The following SNED1 variants were observed in gnomAD, a reference collection of about 807,000 sequenced individuals.
SNED1 encodes sushi, nidogen and EGF like domains 1, also known as sushi, nidogen and EGF-like domain-containing protein 1.
A neutral mutation model predicts 166.7 loss-of-function variants in SNED1; 81 were observed. The observed-to-expected ratio is 0.49, with a 90% CI of 0.41 to 0.58. The LOEUF (loss-of-function observed/expected upper bound fraction) is 0.58, where lower values mean the gene tolerates loss of function less well. Ranked by LOEUF, SNED1 falls within the 20% of genes least tolerant of loss-of-function variation. The probability of loss-of-function intolerance (pLI) is 0.00; values close to 1 mark genes in which losing one functional copy is unlikely to be tolerated. For synonymous variants in SNED1, 762 were observed against 822.0 expected (o/e 0.93, Z 1.25); for missense variants, 1,604 against 2,000.2 (o/e 0.80, Z 3.78).
intron 29 of SNED1, among the ~76,000 whole-genome samples, chr2:241,082,794 A>C (rs555402148): frequency 6.6e-6 from 1 of 152,294 alleles, no homozygotes; most frequent in South Asian, 2.1e-4. Flanking sequence ...CATCTCCAAA[A>C]TGGGCTGTGG....
Position 241,064,082 on chromosome 2 carries a change from G to A in SNED1, c.2556G>A (p.Leu852=), listed in dbSNP as rs780193477. The A allele has an allele frequency of 1.3e-6, 2 of 1,570,046 alleles. No homozygotes were observed. The highest frequency in any genetic ancestry group is 2.3e-5 in the South Asian group (2 of 85,288). Residue 852 remains leucine (L), a synonymous_variant, in exon 19 of 32, where the codon CTG becomes CTA. Transcript: ENST00000310397. This position sits in a 1 kb window ranked among gnomAD's most constrained non-coding sequence, Gnocchi z 7.0. ...GTGAGAGCGGCGGCGGGGCCTACCTGTGCGTCTGCCCAGAGAGCTTCTTCG... is the reference window on the plus strand; with the variant it reads ...GTGAGAGCGGCGGCGGGGCCTACCTATGCGTCTGCCCAGAGAGCTTCTTCG... ...GRCESGGGAY[L]CVCPESFFGY... is the part of the protein sequence containing the mutation.
intron 27 of SNED1, among the ~76,000 whole-genome samples, chr2:241,078,723 G>T (rs1472576360): frequency 6.6e-6 from 1 of 151,884 alleles, no homozygotes; most frequent in Non-Finnish European, 1.5e-5. Context: ...TGTGCTGATG[G>T]ATGCCTGTAT....
intron 31 of SNED1, 37 bp downstream of exon 31, chr2:241,088,439 C>G (rs747386671): frequency 1.3e-6 from 2 of 1,577,564 alleles, no homozygotes; most frequent in East Asian, 4.5e-5. Context: ...TACCACAGAG[C>G]TGCTGGGAAG....
intron 4 of SNED1, among the ~76,000 whole-genome samples, chr2:241,036,267 G>GC (rs2061365555): frequency 6.6e-6 from 1 of 151,878 alleles, no homozygotes; most frequent in Non-Finnish European, 1.5e-5. Context: ...GCACGAACAG[G>GC]CCCCCGCTTG....
At chr2:241,070,447 C>A (rs1256771010) in intron 24 of SNED1, among the ~76,000 whole-genome samples, 2 of 152,236 alleles carry the variant, frequency 1.3e-5, no homozygotes, top group Non-Finnish European at 2.9e-5. Flanking sequence ...TCAGTTTGTG[C>A]CGGACCCTCC....
In SNED1 at chr2:241,071,672, G is replaced by A. The variant is rs566701333; in HGVS notation, c.3686G>A (p.Arg1229His). The A allele has an allele frequency of 6.0e-5, 94 of 1,555,662 alleles. No homozygotes were observed. The highest frequency in any genetic ancestry group is 6.8e-5 in the African/African-American group (5 of 73,992). ...CCCCCGGCGCGCCTGCCGGAGCTGC[G>A]CCTGCTCAATGACCACAGCGCCCCC... ...RPPPARLPEL[R>H]LLNDHSAPET... Residue 1229 changes from arginine to histidine, a missense_variant, in exon 25 of 32, where the codon CGC becomes CAC. By Grantham distance (29) the Arg-to-His change is conservative. Around this residue, in one of 2 missense-constraint regions of SNED1, gnomAD observed 367 missense variants for 379.4 expected, o/e 0.97. Transcript: ENST00000310397.
In SNED1 at chr2:241,094,361, G is replaced by C. The variant is rs1272084181; in HGVS notation, c.*2725G>C. 2.1e-6 allele frequency: 1 copy of C among 470,712 alleles called. No homozygotes were observed. Among genetic ancestry groups the C allele is most frequent in the African/African-American group, 2.0e-5 (1 of 50,064 alleles). The allele number at this position is 470,712 out of a possible 1,614,324, so 29.2% of individuals were successfully genotyped here. A position where few individuals can be genotyped will look rare whatever the true frequency, so the allele number is the denominator to read the frequency against. ...TGACTCAACTGTGGCGATGTGGACG[G>C]AGTCACCGAGCTGCTTTTCTTTTGC... On this transcript the variant is annotated 3_prime_UTR_variant, in exon 32 of 32. Coordinates refer to ENST00000310397, the MANE Select transcript of SNED1 (RefSeq NM_001080437.3). This position sits in a 1 kb window ranked among gnomAD's most constrained non-coding sequence, Gnocchi z 4.3.
At chr2:241,021,661 T>C (rs55900710) in intron 1 of SNED1, among the ~76,000 whole-genome samples, 52,857 of 152,156 alleles carry the variant, frequency 0.35, 9,377 homozygotes, top group Middle Eastern at 0.44. Context: ...TTTTTATGTA[T>C]CCATTCATGA....
rs564253026 is a variant in SNED1 at position 241,046,874 on chromosome 2, G to A, written c.1274-1441G>A. Among the ~76,000 whole-genome samples the A allele has an allele frequency of 3.3e-5, 5 of 152,272 alleles. No homozygotes were observed. The South Asian group carries it at 8.3e-4, about 25-fold the overall frequency. ...TAAAAACCAAAAAGTAGCTGGCGTG[G>A]TGGCTCACCCCTGTAATCCCAGCAC... On this transcript the variant is annotated intron_variant, in intron 8 of 31. Transcript: ENST00000310397.
At chr2:241,019,582 A>T (rs1470267464) in intron 1 of SNED1, among the ~76,000 whole-genome samples, 1 of 152,170 alleles carries the variant, frequency 6.6e-6, no homozygotes, top group African/African-American at 2.4e-5. Flanking sequence ...TTGCCAACTC[A>T]TGCACGCCAG....
At chr2:241,012,254 C>T (rs1442298255) in intron 1 of SNED1, among the ~76,000 whole-genome samples, 1 of 152,234 alleles carries the variant, frequency 6.6e-6, no homozygotes, top group African/African-American at 2.4e-5. Flanking sequence ...CCCAGAGGTA[C>T]CACTTGTCAC....
In SNED1 at chr2:241,033,791, C is replaced by G; in HGVS notation, c.558C>G (p.Phe186Leu). 1 of 1,611,816 alleles carries G rather than the reference C, an allele frequency of 6.2e-7. No homozygotes were observed. The highest frequency in any genetic ancestry group is 8.5e-7 in the Non-Finnish European group (1 of 1,179,504). ...ITDGKLSFTI[F>L]NYESIVWTTG... ...ACGGCAAGCTCTCCTTCACCATCTT[C>G]AACTATGAGTCCATCGTGTGGACCA... Residue 186 changes from phenylalanine (F) to leucine (L), a missense_variant, in exon 3 of 32, where the codon TTC (phenylalanine) becomes TTG (leucine). Physicochemically the swap from Phe to Leu is conservative, Grantham distance 22 (BLOSUM62 0). Transcript: ENST00000310397.
chr2:241,073,420 T>C lies in SNED1; in HGVS notation c.3916+56T>C, dbSNP rs1417063591. 1.2e-5 allele frequency: 17 copies of C among 1,428,334 alleles called. No homozygotes were observed. The highest frequency in any genetic ancestry group is 1.6e-5 in the Non-Finnish European group (17 of 1,035,390). The allele number at this position is 1,428,334 out of a possible 1,614,324, so 88.5% of individuals were successfully genotyped here. The stretch of plus-strand genomic sequence containing the variant: ...GACTGACTGACTGCTCTCAGGGGCC[T>C]TAGAGGCTGCAGGCAGGAGGGACCA... On this transcript the variant is annotated intron_variant, in intron 27 of 31. Transcript: ENST00000310397. The surrounding 1 kb of genome is among the most constrained non-coding windows in gnomAD (Gnocchi z 6.6).
At chr2:241,027,564 C>T (rs79598360) in intron 1 of SNED1, among the ~76,000 whole-genome samples, 3 of 152,204 alleles carry the variant, frequency 2.0e-5, no homozygotes, top group East Asian at 3.9e-4. Flanking sequence ...TGATTCTTTT[C>T]GTTATAGACC....
At chr2:241,089,858 G>A (rs1452955091) in intron 31 of SNED1, 1 of 1,446,940 alleles carries the variant, frequency 6.9e-7, no homozygotes, top group Non-Finnish European at 9.1e-7. Flanking sequence ...ATGCTCCCGG[G>A]CTACACACCA....
intron 29 of SNED1, among the ~76,000 whole-genome samples, chr2:241,084,666 T>C (rs941040029): frequency 1.3e-5 from 2 of 152,182 alleles, no homozygotes; most frequent in Admixed American, 6.5e-5. Context: ...GTTTTAGATA[T>C]TGAAAGTAAA....
Position 241,093,196 on chromosome 2 carries a change from A to G in SNED1, c.*1560A>G, listed in dbSNP as rs913670128. On this transcript the variant is annotated 3_prime_UTR_variant, in exon 32 of 32. Transcript: ENST00000310397. ...ACTTGAGAGCAGAAGGTGGAGCTCA[A>G]TGAAGGGTCTCGAGCTCAGCGAAGG... 12 of 152,766 alleles carry G rather than the reference A, an allele frequency of 7.9e-5. No homozygotes were observed. Among genetic ancestry groups the G allele is most frequent in the African/African-American group, 2.9e-4 (12 of 41,584 alleles). The allele number at this position is 152,766 out of a possible 1,614,324, so 9.5% of individuals were successfully genotyped here.
intron 10 of SNED1, 113 bp downstream of exon 10, chr2:241,048,879 C>T: frequency 8.4e-7 from 1 of 1,185,228 alleles, no homozygotes; most frequent in Non-Finnish European, 1.2e-6. Flanking sequence ...ATTGGTTCTA[C>T]CCCCACCCAG....
intron 1 of SNED1, among the ~76,000 whole-genome samples, chr2:241,014,811 T>TG (rs2060528380): frequency 1.3e-5 from 2 of 152,140 alleles, no homozygotes; most frequent in Non-Finnish European, 2.9e-5. Context: ...CACACGCAGG[T>TG]CTCTAATACA....
Sources: gnomAD v4.1 joint callset for allele counts (sites outside exome capture counted in the v4.1 genomes callset) on GRCh38, gnomAD v4.1.1 for gene constraint, gnomAD v4.1.1 regional missense constraint, Gnocchi (gnomAD v3.1) non-coding constraint, MANE v1.5 for transcripts, NCBI Gene and HGNC (gene_info 2026-07-23, HGNC 2026-07-21) for gene names.